Variants in ATRNL1 observed in about 807,000 individuals in gnomAD.
ATRNL1 encodes attractin-like protein 1.
A neutral mutation model predicts 182.7 loss-of-function variants in ATRNL1; 95 were observed. That is an observed-to-expected ratio of 0.52 (90% CI 0.44 to 0.62). The LOEUF (loss-of-function observed/expected upper bound fraction) is 0.62, where lower values mean the gene tolerates loss of function less well. ATRNL1 is among the 20% of genes least tolerant of loss of function. The pLI, the probability that ATRNL1 is intolerant of heterozygous loss-of-function variation, is 0.00. For missense variants in ATRNL1, 1,471 were observed against 1,679.5 expected (o/e 0.88, Z 2.17); for synonymous variants, 576 against 568.3 (o/e 1.01, Z -0.19).
intron 26 of ATRNL1, among the ~76,000 whole-genome samples, chr10:115,682,859 C>G (rs1034137046): frequency 2.0e-5 from 3 of 152,084 alleles, no homozygotes; most frequent in Admixed American, 1.3e-4. Context: ...AGTATCACAA[C>G]AGAAGCAGTA....
chr10:115,125,748 T>A (rs1277982637), intron 3 of ATRNL1, among the ~76,000 whole-genome samples: 1 of 152,216 alleles, frequency 6.6e-6, no homozygotes, highest in Non-Finnish European at 1.5e-5. Context: ...GGAGTCCCAG[T>A]TCAACGTGAA....
chr10:115,286,328 T>C lies in ATRNL1; in HGVS notation c.2346T>C (p.Asn782=), dbSNP rs782054268. The C allele has an allele frequency of 1.1e-5, 17 of 1,607,604 alleles. No homozygotes were observed. In the African/African-American group the frequency reaches 1.5e-4, roughly 14 times the overall value. ...TTTATTGCTATAATCTTAGTGGAAA[T>C]CTTGCTTCATTAACAACCTCAAAAG... The part of the protein sequence containing the change: ...AKLYCYNLSG[N]LASLTTSKEV... Residue 782 remains asparagine, a synonymous_variant, in exon 15 of 29, where the codon AAT becomes AAC. Coordinates refer to ENST00000355044, the MANE Select transcript of ATRNL1 (RefSeq NM_207303.4).
intron 25 of ATRNL1, among the ~76,000 whole-genome samples, chr10:115,539,118 C>A (rs1217488938): frequency 6.6e-6 from 1 of 152,152 alleles, no homozygotes; most frequent in Non-Finnish European, 1.5e-5. Flanking sequence ...AACATATCCC[C>A]ATTAGTAAGT....
chr10:115,619,341 C>T (rs1379776117), intron 26 of ATRNL1, among the ~76,000 whole-genome samples: 2 of 152,268 alleles, frequency 1.3e-5, no homozygotes, highest in East Asian at 3.9e-4. Flanking sequence ...CACTGTGAGC[C>T]CTGTGCAGGC....
At chr10:115,781,253 G>A (rs1486754467) in intron 27 of ATRNL1, among the ~76,000 whole-genome samples, 3 of 152,070 alleles carry the variant, frequency 2.0e-5, no homozygotes, top group South Asian at 2.1e-4. Flanking sequence ...CATTACTTTC[G>A]GGAATATCCA....
intron 22 of ATRNL1, among the ~76,000 whole-genome samples, chr10:115,464,332 A>C (rs1366635882): frequency 7.9e-6 from 1 of 125,838 alleles, no homozygotes; most frequent in Non-Finnish European, 1.9e-5. Context: ...CATTTCCTAC[A>C]TTTTGAAAAA....
intron 3 of ATRNL1, among the ~76,000 whole-genome samples, chr10:115,125,478 T>C (rs1378237708): frequency 6.6e-6 from 1 of 152,054 alleles, no homozygotes; most frequent in Non-Finnish European, 1.5e-5. Flanking sequence ...GGAGAATGCA[T>C]TGGAATGGAG....
chr10:115,199,826 C>T (rs1285551841), intron 8 of ATRNL1, among the ~76,000 whole-genome samples: 2 of 152,142 alleles, frequency 1.3e-5, no homozygotes, highest in African/African-American at 4.8e-5. Context: ...AGGACTAAAA[C>T]ATGAGAAAGA....
chr10:115,766,976 C>G (rs971261955), intron 27 of ATRNL1, among the ~76,000 whole-genome samples: 1 of 152,182 alleles, frequency 6.6e-6, no homozygotes, highest in Non-Finnish European at 1.5e-5. Flanking sequence ...AACATTTGCT[C>G]TCTCTACATC....
chr10:115,439,619 A>T (rs1458819987), intron 21 of ATRNL1, among the ~76,000 whole-genome samples: 1 of 151,208 alleles, frequency 6.6e-6, no homozygotes, highest in Admixed American at 6.6e-5. Context: ...AGAACCTGTG[A>T]TACATACTTA....
intron 26 of ATRNL1, among the ~76,000 whole-genome samples, chr10:115,658,599 G>T (rs115362787): frequency 6.6e-6 from 1 of 152,026 alleles, no homozygotes; most frequent in Non-Finnish European, 1.5e-5. Flanking sequence ...GTTCCAGGGG[G>T]TATAGTATCC....
At chr10:115,364,072 T>C (rs1329509905) in intron 19 of ATRNL1, among the ~76,000 whole-genome samples, 10 of 150,214 alleles carry the variant, frequency 6.7e-5, no homozygotes, top group African/African-American at 2.4e-4. Context: ...ATTGGTAGCT[T>C]GATGGGGATG....
intron 5 of ATRNL1, among the ~76,000 whole-genome samples, chr10:115,144,398 T>G (rs11197081): frequency 0.22 from 33,532 of 152,046 alleles, 4,731 homozygotes; most frequent in Non-Finnish European, 0.31. Flanking sequence ...GACCTCGTGA[T>G]CCGCCTTCCT....
intron 26 of ATRNL1, among the ~76,000 whole-genome samples, chr10:115,722,662 A>G (rs1243105248): frequency 2.0e-5 from 3 of 152,138 alleles, no homozygotes; most frequent in African/African-American, 7.2e-5. Context: ...ACTAATGACA[A>G]AATCATTTTG....
At chr10:115,272,208 T>G (rs1368273070) in intron 13 of ATRNL1, among the ~76,000 whole-genome samples, 1 of 152,200 alleles carries the variant, frequency 6.6e-6, no homozygotes, top group Non-Finnish European at 1.5e-5. Context: ...ATTACCTGAT[T>G]TCAAGTATTC....
chr10:115,639,902 C>T (rs2133853965), intron 26 of ATRNL1, among the ~76,000 whole-genome samples: 1 of 151,846 alleles, frequency 6.6e-6, no homozygotes, highest in Non-Finnish European at 1.5e-5. Flanking sequence ...TTTGTTGCGC[C>T]CATCAACCGT....
chr10:115,335,544 A>G (rs1395937442), intron 19 of ATRNL1, among the ~76,000 whole-genome samples: 1 of 152,230 alleles, frequency 6.6e-6, no homozygotes, highest in Non-Finnish European at 1.5e-5. Flanking sequence ...CACATGGGGA[A>G]TGATGAACTG....
At chr10:115,794,482 G>A (rs1353602779) in intron 27 of ATRNL1, among the ~76,000 whole-genome samples, 1 of 152,126 alleles carries the variant, frequency 6.6e-6, no homozygotes, top group East Asian at 1.9e-4. Flanking sequence ...ATCATGCGTT[G>A]CATTTAGTTT....
At chr10:115,243,104 A>T (rs1850490579) in intron 10 of ATRNL1, among the ~76,000 whole-genome samples, 1 of 152,152 alleles carries the variant, frequency 6.6e-6, no homozygotes, top group African/African-American at 2.4e-5. Context: ...AAATCCCACA[A>T]AAAGTATACA....
Sources: allele counts gnomAD v4.1 joint callset (sites outside exome capture counted in the v4.1 genomes callset), GRCh38; gene constraint gnomAD v4.1.1; transcripts MANE v1.5; gene names NCBI Gene and HGNC (gene_info 2026-07-23, HGNC 2026-07-21).